Variants in PCDH9 observed in about 807,000 individuals in gnomAD.
PCDH9 encodes the protein protocadherin 9, also known as protocadherin-9.
In PCDH9, 24 loss-of-function variants were observed where a neutral mutation model predicts 70.6. The observed-to-expected ratio is 0.34, with a 90% CI of 0.25 to 0.48. PCDH9 has a LOEUF of 0.48. PCDH9 is among the 20% of genes least tolerant of loss of function. PCDH9 has a pLI of 0.99. For synonymous variants in PCDH9, 562 were observed against 558.5 expected (o/e 1.01, Z -0.09); for missense variants, 1,281 against 1,503.6 (o/e 0.85, Z 2.45).
intron 3 of PCDH9, among the ~76,000 whole-genome samples, chr13:66,788,258 A>G (rs1483388673): frequency 6.6e-6 from 1 of 152,144 alleles, no homozygotes; most frequent in Non-Finnish European, 1.5e-5. Context: ...GCATTAACCC[A>G]TTTATGGCAG....
At chr13:66,681,950 C>CATATATATATATATAT (rs56280836) in intron 3 of PCDH9, among the ~76,000 whole-genome samples, 7,648 of 129,926 alleles carry the variant, frequency 0.059, 360 homozygotes, top group Admixed American at 0.11. Context: ...TATATACAAA[C>CATATATATATATATAT]ATATATATAT....
chr13:66,400,068 C>A (rs1011057742), intron 4 of PCDH9, among the ~76,000 whole-genome samples: 1 of 152,184 alleles, frequency 6.6e-6, no homozygotes, highest in South Asian at 2.1e-4. Context: ...GCTCCATACT[C>A]GCTCACACTC....
At chr13:66,795,485 G>T (rs1021670274) in intron 3 of PCDH9, among the ~76,000 whole-genome samples, 4 of 152,076 alleles carry the variant, frequency 2.6e-5, no homozygotes, top group Non-Finnish European at 4.4e-5. Context: ...GCCGATATAT[G>T]ACTGGGGGAA....
chr13:66,953,096 C>T (rs956920801), intron 2 of PCDH9, among the ~76,000 whole-genome samples: 2 of 151,312 alleles, frequency 1.3e-5, no homozygotes, highest in African/African-American at 4.9e-5. Flanking sequence ...AAACAAGAAG[C>T]ACCAATACAG....
chr13:67,146,684 G>A (rs866659200), intron 2 of PCDH9, among the ~76,000 whole-genome samples: 3 of 152,260 alleles, frequency 2.0e-5, no homozygotes, highest in East Asian at 3.9e-4. Flanking sequence ...ATTTAGAAGC[G>A]GCAGTGGTTA....
chr13:66,622,754 T>G (rs2077442575), intron 4 of PCDH9, among the ~76,000 whole-genome samples: 1 of 152,114 alleles, frequency 6.6e-6, no homozygotes. Context: ...GATAAGAGAA[T>G]AAAAGCAGGC....
chr13:67,099,056 T>C (rs1349277812), intron 2 of PCDH9, among the ~76,000 whole-genome samples: 3 of 152,202 alleles, frequency 2.0e-5, no homozygotes, highest in Non-Finnish European at 1.5e-5. Context: ...TGGATTCATA[T>C]TGTCATGATT....
chr13:67,128,845 A>T (rs878916229), intron 2 of PCDH9, among the ~76,000 whole-genome samples: 1 of 152,154 alleles, frequency 6.6e-6, no homozygotes, highest in Admixed American at 6.6e-5. Flanking sequence ...TCCTATTCAA[A>T]GAATTTTCAG....
At chr13:66,866,511 C>T (rs2081578291) in intron 3 of PCDH9, among the ~76,000 whole-genome samples, 1 of 145,206 alleles carries the variant, frequency 6.9e-6, no homozygotes, top group Middle Eastern at 5.3e-3. Flanking sequence ...CAAAAACTTG[C>T]TCATGGCTGG....
At chr13:66,548,664 A>G (rs917997075) in intron 4 of PCDH9, among the ~76,000 whole-genome samples, 3 of 152,190 alleles carry the variant, frequency 2.0e-5, no homozygotes, top group Non-Finnish European at 4.4e-5. Context: ...TATGATCGTA[A>G]TAACTATAGT....
chr13:66,975,006 C>G (rs2083589772), intron 2 of PCDH9, among the ~76,000 whole-genome samples: 1 of 151,978 alleles, frequency 6.6e-6, no homozygotes, highest in South Asian at 2.1e-4. Context: ...TAGGTTTTTA[C>G]TCCTTTGTTT....
At chr13:67,138,527 A>G (rs1198841362) in intron 2 of PCDH9, among the ~76,000 whole-genome samples, 1 of 152,196 alleles carries the variant, frequency 6.6e-6, no homozygotes, top group Non-Finnish European at 1.5e-5. Context: ...TCCAGAGGGC[A>G]TAGGCCAAGT....
At chr13:66,842,512 T>C (rs947353908) in intron 3 of PCDH9, among the ~76,000 whole-genome samples, 1 of 152,278 alleles carries the variant, frequency 6.6e-6, no homozygotes. Context: ...TGGGTCCCAT[T>C]GACGATTTGA....
intron 4 of PCDH9, among the ~76,000 whole-genome samples, chr13:66,526,370 C>T (rs946012482): frequency 1.3e-5 from 2 of 151,986 alleles, no homozygotes; most frequent in African/African-American, 4.8e-5. Context: ...TTTGATGAAC[C>T]ATTTTGTCAG....
chr13:66,734,169 A>T (rs780980059), intron 3 of PCDH9, among the ~76,000 whole-genome samples: 3 of 152,206 alleles, frequency 2.0e-5, no homozygotes, highest in Non-Finnish European at 4.4e-5. Context: ...GAGTTTAAGC[A>T]TGTGGGCATT....
chr13:67,140,025 ACCCC>A (rs34514187), intron 2 of PCDH9, among the ~76,000 whole-genome samples: 1 of 65,938 alleles, frequency 1.5e-5, no homozygotes, highest in Non-Finnish European at 2.8e-5. Context: ...TTTTTTGATC[ACCCC>A]CCCCCCCCCG....
At chr13:66,496,521 C>T (rs1038958298) in intron 4 of PCDH9, among the ~76,000 whole-genome samples, 1 of 152,122 alleles carries the variant, frequency 6.6e-6, no homozygotes, top group African/African-American at 2.4e-5. Context: ...CCTCTCAGTG[C>T]TATGAACTTA....
intron 4 of PCDH9, among the ~76,000 whole-genome samples, chr13:66,319,409 G>A (rs1006321570): frequency 1.3e-5 from 2 of 152,032 alleles, no homozygotes; most frequent in Admixed American, 6.6e-5. Flanking sequence ...TGACTTTGTG[G>A]TAGAGAAGGC....
intron 3 of PCDH9, among the ~76,000 whole-genome samples, chr13:66,644,017 A>T (rs1005037967): frequency 6.6e-6 from 1 of 152,006 alleles, no homozygotes. Context: ...TAGAAAAAAT[A>T]CATTAAATTT....
Sources: allele counts gnomAD v4.1 joint callset (sites outside exome capture counted in the v4.1 genomes callset), GRCh38; gene constraint gnomAD v4.1.1; transcripts MANE v1.5; gene names NCBI Gene and HGNC (gene_info 2026-07-23, HGNC 2026-07-21).